DLG2: variants seen among roughly 807,000 people sequenced by gnomAD.
DLG2 encodes discs large MAGUK scaffold protein 2.
In DLG2, 45 loss-of-function variants were observed where a neutral mutation model predicts 132.5. The observed-to-expected ratio is 0.34, with a 90% CI of 0.27 to 0.44. The LOEUF is 0.44. DLG2 is among the 20% of genes least tolerant of loss of function. The pLI is 1.00. For missense variants in DLG2, 1,045 were observed against 1,196.9 expected, an observed-to-expected ratio of 0.87 and a Z score of 1.87; for synonymous variants, 424 against 419.6, an observed-to-expected ratio of 1.01 and a Z score of -0.13.
rs2099630479 is a variant in DLG2, at chr11:84,630,932, T to TA, written c.358-96202dup. Among the ~76,000 whole-genome samples, 5 of 151,566 alleles carry TA rather than the reference T, an allele frequency of 3.3e-5. No individual in the cohort carries two copies. In the South Asian group the frequency reaches 1.0e-3, roughly 32 times the overall value. On this transcript the variant is annotated intron_variant, in intron 6 of 27. Coordinates refer to ENST00000376104, the MANE Select transcript of DLG2 (RefSeq NM_001142699.3). ...TGTTTGGTTTGTCTGTTTCAGGAAA[T>TA]ATGACGCCAATTCTATGAACTTGGT... is the stretch of plus-strand genomic sequence containing the variant.
intron 6 of DLG2, among the ~76,000 whole-genome samples, chr11:84,990,093 A>G (rs1437836345): frequency 2.0e-5 from 3 of 152,276 alleles, no homozygotes; most frequent in South Asian, 2.1e-4. Flanking sequence ...AGTACGAATT[A>G]TATATCCAAC....
At chr11:84,049,716 G>T (rs911017894) in intron 11 of DLG2, among the ~76,000 whole-genome samples, 1 of 151,706 alleles carries the variant, frequency 6.6e-6, no homozygotes, top group South Asian at 2.1e-4. Context: ...CTTAATCTGG[G>T]TTGTTGATAT....
chr11:85,075,820 A>C (rs1157948652), intron 6 of DLG2, among the ~76,000 whole-genome samples: 4 of 151,968 alleles, frequency 2.6e-5, no homozygotes, highest in Non-Finnish European at 5.9e-5. Flanking sequence ...AACTGATCAC[A>C]GTGGTAACCT....
intron 7 of DLG2, among the ~76,000 whole-genome samples, chr11:84,455,460 C>A (rs1174986158): frequency 6.6e-6 from 1 of 151,164 alleles, no homozygotes; most frequent in African/African-American, 2.4e-5. Flanking sequence ...GCTTAGGAAA[C>A]AAAATTTACC....
At chr11:84,828,675 G>C (rs1283025592) in intron 6 of DLG2, among the ~76,000 whole-genome samples, 6 of 151,712 alleles carry the variant, frequency 4.0e-5, no homozygotes, top group African/African-American at 1.2e-4. Context: ...AGACATGGAG[G>C]TGCCAAAGCT....
chr11:84,474,066 A>T (rs2099115403), intron 7 of DLG2, among the ~76,000 whole-genome samples: 1 of 152,002 alleles, frequency 6.6e-6, no homozygotes, highest in Admixed American at 6.6e-5. Flanking sequence ...CATGTGGGGT[A>T]TGACTCTGAA....
chr11:83,733,347 C>T (rs987077790), intron 18 of DLG2, among the ~76,000 whole-genome samples: 3 of 151,718 alleles, frequency 2.0e-5, no homozygotes, highest in Admixed American at 1.3e-4. Context: ...TAAAACCACT[C>T]ACTAGGACTT....
At chr11:84,881,963 T>C (rs1269027085) in intron 6 of DLG2, among the ~76,000 whole-genome samples, 2 of 152,164 alleles carry the variant, frequency 1.3e-5, no homozygotes, top group Non-Finnish European at 2.9e-5. Context: ...GTTCTTAATA[T>C]ACTTTCAAAA....
chr11:85,100,434 T>C (rs908325692), intron 6 of DLG2, among the ~76,000 whole-genome samples: 2 of 152,138 alleles, frequency 1.3e-5, no homozygotes, highest in African/African-American at 4.8e-5. Flanking sequence ...GGCAAAGAGA[T>C]ATTGAAAGGT....
intron 10 of DLG2, among the ~76,000 whole-genome samples, chr11:84,097,613 A>G (rs2097183559): frequency 6.6e-6 from 1 of 152,176 alleles, no homozygotes; most frequent in African/African-American, 2.4e-5. Context: ...AGTGTCATAA[A>G]TATTTTGTAT....
chr11:84,897,775 T>A (rs2090394911), intron 6 of DLG2, among the ~76,000 whole-genome samples: 1 of 151,806 alleles, frequency 6.6e-6, no homozygotes, highest in Admixed American at 6.6e-5. Flanking sequence ...GAAGCAGGAG[T>A]CTTATGATTT....
At chr11:84,100,338 A>C (rs1366170951) in intron 9 of DLG2, among the ~76,000 whole-genome samples, 2 of 147,162 alleles carry the variant, frequency 1.4e-5, no homozygotes, top group African/African-American at 5.0e-5. Flanking sequence ...TAAAGGATAT[A>C]TATATCTTTC....
intron 18 of DLG2, among the ~76,000 whole-genome samples, chr11:83,749,114 C>G (rs1170389637): frequency 6.6e-6 from 1 of 152,068 alleles, no homozygotes; most frequent in Non-Finnish European, 1.5e-5. Context: ...GGCAATAGGT[C>G]CTTCTAGACT....
At chr11:85,488,722 AC>A (rs1447746132) in intron 3 of DLG2, among the ~76,000 whole-genome samples, 8 of 152,202 alleles carry the variant, frequency 5.3e-5, no homozygotes, top group Non-Finnish European at 1.0e-4. Flanking sequence ...CTGAAAGAAA[AC>A]AACTGGAAGC....
intron 8 of DLG2, among the ~76,000 whole-genome samples, chr11:84,245,609 T>C (rs995998957): frequency 4.6e-5 from 7 of 152,180 alleles, no homozygotes; most frequent in Non-Finnish European, 8.8e-5. Context: ...AAGTGTCTTA[T>C]AGGAAAGTAA....
chr11:85,377,784 C>CATATATATAT (rs35941912), intron 3 of DLG2, among the ~76,000 whole-genome samples: 125 of 130,268 alleles, frequency 9.6e-4, no homozygotes, highest in African/African-American at 2.8e-3. Flanking sequence ...TGTGTGTATA[C>CATATATATAT]ATATATATAT....
intron 6 of DLG2, among the ~76,000 whole-genome samples, chr11:84,943,518 G>A (rs1222850992): frequency 6.6e-6 from 1 of 151,636 alleles, no homozygotes; most frequent in Admixed American, 6.6e-5. Context: ...TGGATTTGAG[G>A]TTACTAATGA....
intron 4 of DLG2, among the ~76,000 whole-genome samples, chr11:85,194,263 T>C (rs766444882): frequency 7.2e-5 from 11 of 152,170 alleles, no homozygotes; most frequent in Non-Finnish European, 1.6e-4. Context: ...TACAGCTTAC[T>C]TTTTTCTCGT....
At chr11:84,704,142 G>A (rs1313414097) in intron 6 of DLG2, among the ~76,000 whole-genome samples, 1 of 151,138 alleles carries the variant, frequency 6.6e-6, no homozygotes, top group African/African-American at 2.4e-5. Flanking sequence ...TCTTCAGGAA[G>A]TTTAAGTATC....
Sources: gnomAD v4.1 joint callset for allele counts (sites outside exome capture counted in the v4.1 genomes callset) on GRCh38, gnomAD v4.1.1 for gene constraint, MANE v1.5 for transcripts, NCBI Gene and HGNC (gene_info 2026-07-23, HGNC 2026-07-21) for gene names.